Variants in FBXL7 observed in about 807,000 individuals in gnomAD.
The protein encoded by FBXL7 is F-box/LRR-repeat protein 7.
A neutral mutation model predicts 38.3 loss-of-function variants in FBXL7; 12 were observed. The ratio of observed to expected loss-of-function variants is 0.31; its 90% CI spans 0.20 to 0.51. FBXL7 has a LOEUF of 0.51. FBXL7 is among the 20% of genes least tolerant of loss of function. FBXL7 has a pLI of 0.98. For synonymous variants in FBXL7, 297 were observed against 300.9 expected (o/e 0.99, Z 0.13); for missense variants, 567 against 676.4 (o/e 0.84, Z 1.79).
chr5:15,905,589 C>A (rs1741337061), intron 2 of FBXL7, among the ~76,000 whole-genome samples: 2 of 151,130 alleles, frequency 1.3e-5, no homozygotes, highest in Non-Finnish European at 2.9e-5. Context: ...TATTTAAAAA[C>A]CAAACAAACA....
chr5:15,931,422 A>C (rs1267899373), intron 3 of FBXL7, among the ~76,000 whole-genome samples: 2 of 152,140 alleles, frequency 1.3e-5, no homozygotes, highest in East Asian at 3.9e-4. Context: ...CAACCAGTAG[A>C]GTCCTGTTCA....
chr5:15,506,622 G>A (rs1736656262), intron 1 of FBXL7, among the ~76,000 whole-genome samples: 1 of 152,016 alleles, frequency 6.6e-6, no homozygotes, highest in African/African-American at 2.4e-5. Context: ...TTCTGAGATT[G>A]GGGTTCCAGC....
At chr5:15,503,924 A>G (rs1443797885) in intron 1 of FBXL7, among the ~76,000 whole-genome samples, 1 of 152,232 alleles carries the variant, frequency 6.6e-6, no homozygotes, top group East Asian at 1.9e-4. Flanking sequence ...TAATCTCATT[A>G]TCTTCTGCTC....
chr5:15,833,863 T>C (rs1415023135), intron 2 of FBXL7, among the ~76,000 whole-genome samples: 1 of 152,216 alleles, frequency 6.6e-6, no homozygotes, highest in African/African-American at 2.4e-5. Flanking sequence ...CGTGATGATA[T>C]TGACTACTTT....
chr5:15,915,655 G>T (rs1741565353), intron 2 of FBXL7, among the ~76,000 whole-genome samples: 1 of 152,128 alleles, frequency 6.6e-6, no homozygotes, highest in Non-Finnish European at 1.5e-5. Flanking sequence ...CATATCTTTT[G>T]CAGGGGACGC....
intron 2 of FBXL7, among the ~76,000 whole-genome samples, chr5:15,746,049 C>T (rs190879153): frequency 6.6e-6 from 1 of 152,258 alleles, no homozygotes; most frequent in African/African-American, 2.4e-5. Context: ...GGTCTGTGAT[C>T]TCTGTTAGAG....
At chr5:15,724,258 A>G (rs1248785742) in intron 2 of FBXL7, among the ~76,000 whole-genome samples, 1 of 152,186 alleles carries the variant, frequency 6.6e-6, no homozygotes, top group Non-Finnish European at 1.5e-5. Flanking sequence ...TCCTTTTTAA[A>G]AAAATGTTTA....
At chr5:15,784,204 G>A (rs189159523) in intron 2 of FBXL7, among the ~76,000 whole-genome samples, 72 of 152,178 alleles carry the variant, frequency 4.7e-4, no homozygotes, top group African/African-American at 1.7e-3. Context: ...ACTCTTGTTG[G>A]TCACCTGGGG....
chr5:15,688,810 C>T (rs1463021697), intron 2 of FBXL7, among the ~76,000 whole-genome samples: 1 of 152,158 alleles, frequency 6.6e-6, no homozygotes, highest in Non-Finnish European at 1.5e-5. Flanking sequence ...GACAGTGGGG[C>T]TGACTCCGTA....
At chr5:15,702,829 AAG>A (rs910121609) in intron 2 of FBXL7, among the ~76,000 whole-genome samples, 2 of 152,148 alleles carry the variant, frequency 1.3e-5, no homozygotes, top group African/African-American at 4.8e-5. Flanking sequence ...TGAGTCCGAA[AAG>A]AGAGTCAGCC....
intron 2 of FBXL7, among the ~76,000 whole-genome samples, chr5:15,867,377 G>T (rs1018521468): frequency 5.3e-5 from 8 of 152,166 alleles, no homozygotes; most frequent in African/African-American, 1.7e-4. Context: ...CAGAAAGCCT[G>T]TCTTGACAGT....
At chr5:15,540,426 C>A (rs148324059) in intron 1 of FBXL7, among the ~76,000 whole-genome samples, 1 of 152,134 alleles carries the variant, frequency 6.6e-6, no homozygotes, top group Non-Finnish European at 1.5e-5. Context: ...TCTCAAGGTG[C>A]GAACTCCTAC....
At chr5:15,604,602 A>AAAGTGG (rs1346760748) in intron 1 of FBXL7, among the ~76,000 whole-genome samples, 5 of 152,086 alleles carry the variant, frequency 3.3e-5, no homozygotes, top group African/African-American at 7.2e-5. Flanking sequence ...TGATCCACCT[A>AAAGTGG]CCTCGGCCTC....
At chr5:15,852,684 G>GA (rs1317717303) in intron 2 of FBXL7, among the ~76,000 whole-genome samples, 2,326 of 141,814 alleles carry the variant, frequency 0.016, 47 homozygotes, top group African/African-American at 0.049. Context: ...GTTTCCCCTG[G>GA]AAAAAAAAAA....
chr5:15,574,410 A>G (rs1580379535), intron 1 of FBXL7, among the ~76,000 whole-genome samples: 2 of 152,238 alleles, frequency 1.3e-5, no homozygotes, highest in East Asian at 3.8e-4. Context: ...GATGAAATAA[A>G]TGCAAATCCT....
rs570072992 is a variant in FBXL7 at position 15,556,449 on chromosome 5, G to A, written c.37+55736G>A. On this transcript the variant is annotated intron_variant, in intron 1 of 3. Transcript: ENST00000504595. ...GCTTTACTCAGTCACCAATTCAAAT[G>A]CTGATCTTTTCCAGGAACACCCTCA... 7.2e-5 allele frequency among the ~76,000 whole-genome samples: 11 copies of A among 152,240 alleles called. No individual in the cohort carries two copies. In the South Asian group the frequency reaches 2.1e-3, roughly 29 times the overall value.
intron 1 of FBXL7, among the ~76,000 whole-genome samples, chr5:15,592,030 C>G (rs1739493690): frequency 6.6e-6 from 1 of 152,118 alleles, no homozygotes; most frequent in Non-Finnish European, 1.5e-5. Flanking sequence ...CTTTAGCCAT[C>G]TGGCTACTGT....
chr5:15,604,021 A>G (rs926976756), intron 1 of FBXL7, among the ~76,000 whole-genome samples: 8 of 152,178 alleles, frequency 5.3e-5, no homozygotes, highest in African/African-American at 9.6e-5. Context: ...CTGTAATCCC[A>G]GCTTCTCAGG....
rs572851182 is a variant in FBXL7 at position 15,939,722 on chromosome 5, C to G, written c.*2536C>G. 1 of 152,714 alleles carries G rather than the reference C, an allele frequency of 6.5e-6. No homozygotes were observed. Among genetic ancestry groups the G allele is most frequent in the South Asian group, 2.1e-4 (1 of 4,832 alleles). The allele number at this position is 152,714 out of a possible 1,614,324, so 9.5% of individuals were successfully genotyped here. A position where few individuals can be genotyped will look rare whatever the true frequency, so the allele number is the denominator to read the frequency against. ...GTTGTTGTTTTTTAATTCTAATGTT[C>G]AAATCACTGCGTGCTGTATGAATCT... On this transcript the variant is annotated 3_prime_UTR_variant, in exon 4 of 4. Transcript: ENST00000504595.
Sources: gnomAD v4.1 joint callset for allele counts (sites outside exome capture counted in the v4.1 genomes callset) on GRCh38, gnomAD v4.1.1 for gene constraint, MANE v1.5 for transcripts, NCBI Gene and HGNC (gene_info 2026-07-23, HGNC 2026-07-21) for gene names.